Variants in PTPRG observed in about 807,000 individuals in gnomAD.
PTPRG encodes protein tyrosine phosphatase receptor type G, also known as receptor-type tyrosine-protein phosphatase gamma.
A neutral mutation model predicts 165.3 loss-of-function variants in PTPRG; 102 were observed. The observed-to-expected ratio is 0.62, with a 90% CI of 0.53 to 0.73. PTPRG has a LOEUF of 0.73. PTPRG is among the 30% of genes least tolerant of loss of function. The pLI, the probability that PTPRG is intolerant of heterozygous loss-of-function variation, is 0.00. For synonymous variants in PTPRG, 675 were observed against 669.5 expected, an observed-to-expected ratio of 1.01 and a Z score of -0.13; for missense variants, 1,866 against 1,861.4, an observed-to-expected ratio of 1.00 and a Z score of -0.05.
At chr3:61,617,300 A>T (rs560243200) in intron 1 of PTPRG, among the ~76,000 whole-genome samples, 1 of 152,292 alleles carries the variant, frequency 6.6e-6, no homozygotes, top group South Asian at 2.1e-4. Flanking sequence ...AAGTGGTAGA[A>T]TCTAAATGAG....
At chr3:61,643,215 A>G (rs1702110066) in intron 1 of PTPRG, among the ~76,000 whole-genome samples, 1 of 152,140 alleles carries the variant, frequency 6.6e-6, no homozygotes, top group South Asian at 2.1e-4. Context: ...GCTTGACCCC[A>G]CAAGTTCATT....
At chr3:61,634,747 A>G (rs1366132503) in intron 1 of PTPRG, among the ~76,000 whole-genome samples, 1 of 152,178 alleles carries the variant, frequency 6.6e-6, no homozygotes, top group Non-Finnish European at 1.5e-5. Flanking sequence ...ACCGAGAAGA[A>G]TGCCTGTGCT....
chr3:62,093,740 G>C (rs184660228), intron 5 of PTPRG, among the ~76,000 whole-genome samples: 2 of 152,152 alleles, frequency 1.3e-5, no homozygotes, highest in African/African-American at 4.8e-5. Flanking sequence ...TCATCCCCTC[G>C]GGCTGTTGCC....
intron 2 of PTPRG, among the ~76,000 whole-genome samples, chr3:61,854,161 G>T (rs1312663266): frequency 6.6e-6 from 1 of 152,214 alleles, no homozygotes; most frequent in Non-Finnish European, 1.5e-5. Context: ...CTAGAAGGTA[G>T]CAGTACTACA....
At chr3:62,234,495 G>T (rs999519038) in intron 14 of PTPRG, among the ~76,000 whole-genome samples, 1 of 151,958 alleles carries the variant, frequency 6.6e-6, no homozygotes, top group Admixed American at 6.6e-5. Flanking sequence ...ACACTGCATT[G>T]TCAAACTTTG....
At chr3:62,046,076 T>C (rs1003837283) in intron 4 of PTPRG, among the ~76,000 whole-genome samples, 40 of 152,168 alleles carry the variant, frequency 2.6e-4, no homozygotes, top group African/African-American at 9.4e-4. Flanking sequence ...TCTTGGTTGT[T>C]ATGTGAGGGC....
intron 1 of PTPRG, among the ~76,000 whole-genome samples, chr3:61,586,794 T>G (rs1700445977): frequency 6.6e-6 from 1 of 152,218 alleles, no homozygotes; most frequent in Non-Finnish European, 1.5e-5. Context: ...AACATTGATT[T>G]GGAAATGCTA....
rs529558207 is a variant in PTPRG, at chr3:62,270,770, A to T, written c.3010-613A>T. Among the ~76,000 whole-genome samples, 68 of 152,308 alleles carry T rather than the reference A, an allele frequency of 4.5e-4. 1 individual carries two copies. In the South Asian group the frequency reaches 0.013, roughly 28 times the overall value. ...GAAATCGTATCATAGCAAATAATCT[A>T]TTTGGGGAATATTTCATCTAAAGTA... is the stretch of plus-strand genomic sequence containing the variant. On this transcript the variant is annotated intron_variant, in intron 20 of 29. Coordinates refer to ENST00000474889, the MANE Select transcript of PTPRG (RefSeq NM_002841.4).
chr3:62,075,068 C>T (rs1701339347), intron 4 of PTPRG, among the ~76,000 whole-genome samples: 2 of 152,210 alleles, frequency 1.3e-5, no homozygotes, highest in African/African-American at 4.8e-5. Context: ...CAGACCTGTG[C>T]TACTGTCCTT....
chr3:61,811,382 A>C (rs1299221608), intron 2 of PTPRG, among the ~76,000 whole-genome samples: 1 of 152,194 alleles, frequency 6.6e-6, no homozygotes, highest in African/African-American at 2.4e-5. Flanking sequence ...CTGTTGTTCA[A>C]TACCAAAATC....
At chr3:61,854,360 C>T (rs577411328) in intron 2 of PTPRG, among the ~76,000 whole-genome samples, 13 of 152,122 alleles carry the variant, frequency 8.5e-5, no homozygotes, top group Non-Finnish European at 1.6e-4. Flanking sequence ...CTGATTTCAC[C>T]TATTCTCATC....
At chr3:61,707,066 G>A (rs2031302269) in intron 1 of PTPRG, among the ~76,000 whole-genome samples, 1 of 152,030 alleles carries the variant, frequency 6.6e-6, no homozygotes. Flanking sequence ...TCCATAGATA[G>A]TGTCTTTATT....
intron 2 of PTPRG, among the ~76,000 whole-genome samples, chr3:61,776,230 G>T (rs11921805): frequency 0.012 from 1,899 of 152,152 alleles, 31 homozygotes; most frequent in African/African-American, 0.041. Context: ...TTTGCTAAGG[G>T]AATGGAACTG....
intron 2 of PTPRG, among the ~76,000 whole-genome samples, chr3:61,825,939 G>A (rs1053574998): frequency 7.9e-5 from 12 of 151,730 alleles, no homozygotes; most frequent in Admixed American, 2.0e-4. Flanking sequence ...GCGTGCGTGA[G>A]CCACCACTCC....
At chr3:62,188,222 AAAATTAGC>A (rs143410489) in intron 8 of PTPRG, among the ~76,000 whole-genome samples, 6,736 of 152,216 alleles carry the variant, frequency 0.044, 154 homozygotes, top group Middle Eastern at 0.068. Flanking sequence ...TTAAAAATTT[AAAATTAGC>A]TAAGTGTGGT....
At chr3:61,608,857 AC>A (rs1701085983) in intron 1 of PTPRG, among the ~76,000 whole-genome samples, 1 of 152,184 alleles carries the variant, frequency 6.6e-6, no homozygotes, top group African/African-American at 2.4e-5. Flanking sequence ...CATCGTCTTT[AC>A]GCTGAGCCCT....
At chr3:61,723,301 T>C (rs947911980) in intron 1 of PTPRG, among the ~76,000 whole-genome samples, 2 of 152,154 alleles carry the variant, frequency 1.3e-5, no homozygotes, top group African/African-American at 4.8e-5. Context: ...ACAGCATTAA[T>C]TTTCATGGCC....
chr3:61,965,823 C>T (rs185286335), intron 2 of PTPRG, among the ~76,000 whole-genome samples: 3 of 152,276 alleles, frequency 2.0e-5, no homozygotes, highest in Admixed American at 6.5e-5. Flanking sequence ...GGTAACTTGC[C>T]CAGGACCACT....
intron 7 of PTPRG, among the ~76,000 whole-genome samples, chr3:62,159,658 G>T (rs780545830): frequency 1.4e-4 from 21 of 151,004 alleles, no homozygotes; most frequent in Non-Finnish European, 3.1e-4. Context: ...TGTAAGATTT[G>T]TATTTGCCTT....
Sources: gnomAD v4.1 joint callset for allele counts (sites outside exome capture counted in the v4.1 genomes callset) on GRCh38, gnomAD v4.1.1 for gene constraint, MANE v1.5 for transcripts, NCBI Gene and HGNC (gene_info 2026-07-23, HGNC 2026-07-21) for gene names.